The following C5orf24 variants were observed in gnomAD, a reference collection of about 807,000 sequenced individuals.
The protein encoded by C5orf24 is chromosome 5 open reading frame 24, also known as UPF0461 protein C5orf24.
In C5orf24, 4 loss-of-function variants were observed where a neutral mutation model predicts 9.8. The ratio of observed to expected loss-of-function variants is 0.41; its 90% CI spans 0.20 to 0.93. The LOEUF is 0.93. Among genes scored for constraint, C5orf24 ranks in the 40% least tolerant of loss-of-function variants. The pLI, the probability that C5orf24 is intolerant of heterozygous loss-of-function variation, is 0.33. For synonymous variants in C5orf24, 73 were observed against 81.3 expected (o/e 0.90, Z 0.55); for missense variants, 170 against 236.9 (o/e 0.72, Z 1.85).
chr5:134,840,556 CAG>C, the C5orf24 span, among the ~76,000 whole-genome samples: 2 of 151,934 alleles, frequency 1.3e-5, no homozygotes, highest in Admixed American at 6.6e-5. Context: ...ATTTTGGGGA[CAG>C]AGTCTCACTC....
chr5:134,843,770 G>A (rs1175928138), upstream of C5orf24, among the ~76,000 whole-genome samples: 2 of 152,122 alleles, frequency 1.3e-5, no homozygotes, highest in Non-Finnish European at 2.9e-5. Context: ...GGCCAGGCTG[G>A]TCTTGAACTC....
At position 134,857,006 on chromosome 5, in the gene C5orf24, AAGAT is replaced by A; in HGVS notation, c.*1543_*1546del. On this transcript the variant is annotated 3_prime_UTR_variant, in exon 2 of 2. Coordinates refer to ENST00000394976, the MANE Select transcript of C5orf24 (RefSeq NM_001135586.1). The stretch of plus-strand genomic sequence containing the variant: ...CCCCAATGATGTTTGCTTTAGAAGC[AAGAT>A]AGAAAGGAAAAAAAGTATTAGGTAG... The A allele has an allele frequency of 9.9e-7, 1 of 1,014,736 alleles. No homozygotes were observed. Among genetic ancestry groups the A allele is most frequent in the Non-Finnish European group, 1.2e-6 (1 of 839,964 alleles). 62.9% of individuals were successfully genotyped at this position (1,014,736 alleles called of 1,614,324 possible). A position where few individuals can be genotyped will look rare whatever the true frequency, so the allele number is the denominator to read the frequency against.
At chr5:134,833,616 C>G in the C5orf24 span, 1 of 152,164 alleles carries the variant, frequency 6.6e-6, no homozygotes, top group Non-Finnish European at 1.5e-5. Flanking sequence ...CTACGTTTCC[C>G]TTACCAGGTA....
At chr5:134,835,976 C>G in the C5orf24 span, among the ~76,000 whole-genome samples, 1 of 151,952 alleles carries the variant, frequency 6.6e-6, no homozygotes, top group African/African-American at 2.4e-5. Context: ...CATGAGCCAC[C>G]GCACCTGGAT....
chr5:134,837,666 C>CA, the C5orf24 span, among the ~76,000 whole-genome samples: 2,108 of 105,216 alleles, frequency 0.02, 37 homozygotes, highest in African/African-American at 0.054. Flanking sequence ...GAGAACATAG[C>CA]AAAAAAAAAA....
Position 134,858,069 on chromosome 5 carries a change from A to G in C5orf24, c.*2602A>G, listed in dbSNP as rs531216416. 1.6e-4 allele frequency: 27 copies of G among 167,122 alleles called. No individual in the cohort carries two copies. Among genetic ancestry groups the G allele is most frequent in the Non-Finnish European group, 2.8e-4 (19 of 68,128 alleles). The allele number at this position is 167,122 out of a possible 1,614,324, so 10.4% of individuals were successfully genotyped here. ...ACATGTTTATGAAATGGTGAGATCA[A>G]CTAAAGGAGGCATGTTCATAACAGT... On this transcript the variant is annotated 3_prime_UTR_variant, in exon 2 of 2. Transcript: ENST00000394976.
Position 134,852,015 on chromosome 5 carries a change from A to G in C5orf24, c.-3-2883A>G, listed in dbSNP as rs56292225. On this transcript the variant is annotated intron_variant, in intron 1 of 1. Transcript: ENST00000394976. The stretch of plus-strand genomic sequence containing the variant: ...GAGTGCAGTGGCACGATCTCAGCTC[A>G]CTGCAACCTCTGCCTCCCGGGTTCA... Among the ~76,000 whole-genome samples, 342 of 152,342 alleles carry G rather than the reference A, an allele frequency of 2.2e-3. 1 individual carries two copies. Among genetic ancestry groups the G allele is most frequent in the Non-Finnish European group, 4.5e-3 (303 of 68,034 alleles).
rs1419045917 is a variant in C5orf24, at chr5:134,858,858, T to A, written c.*3391T>A. 6.0e-6 allele frequency: 1 copy of A among 166,412 alleles called. No individual in the cohort carries two copies. Among genetic ancestry groups the A allele is most frequent in the Non-Finnish European group, 1.5e-5 (1 of 68,058 alleles). 10.3% of individuals were successfully genotyped at this position (166,412 alleles called of 1,614,324 possible). The stretch of plus-strand genomic sequence containing the variant: ...TAATTTTTAATATTTAGGGACATTT[T>A]AAAAAATCAATGTTTTAATTAGACT... On this transcript the variant is annotated 3_prime_UTR_variant, in exon 2 of 2. Transcript: ENST00000394976.
the C5orf24 span, among the ~76,000 whole-genome samples, chr5:134,835,928 G>T: frequency 1.3e-5 from 2 of 151,930 alleles, no homozygotes; most frequent in East Asian, 3.9e-4. Flanking sequence ...TAGACTCCTG[G>T]CCTCAGGCAA....
At chr5:134,846,806 G>C (rs1307803512) in intron 1 of C5orf24, 1 of 152,202 alleles carries the variant, frequency 6.6e-6, no homozygotes, top group Admixed American at 6.5e-5. Flanking sequence ...AACTTTCCGT[G>C]GTGGGGCAGG....
At position 134,856,690 on chromosome 5, in the gene C5orf24, T is replaced by C. The variant is rs1350678782; in HGVS notation, c.*1223T>C. On this transcript the variant is annotated 3_prime_UTR_variant, in exon 2 of 2. Coordinates refer to ENST00000394976, the MANE Select transcript of C5orf24 (RefSeq NM_001135586.1). Reference sequence around the variant, plus strand: ...AAATAAATAAATAAATAAAACCATTTATTGATGTTGCTCATTTATTTGGAA... The same window carrying C: ...AAATAAATAAATAAATAAAACCATTCATTGATGTTGCTCATTTATTTGGAA... The C allele has an allele frequency of 3.3e-6, 3 of 917,866 alleles. No homozygotes were observed. The highest frequency in any genetic ancestry group is 4.0e-6 in the Non-Finnish European group (3 of 756,480). 56.9% of individuals were successfully genotyped at this position (917,866 alleles called of 1,614,324 possible).
In C5orf24 at chr5:134,854,976, A is replaced by G. The variant is rs144977700; in HGVS notation, c.76A>G (p.Met26Val). 753 of 1,614,172 alleles carry G rather than the reference A, an allele frequency of 4.7e-4. 4 individuals are homozygous for G. In the African/African-American group the frequency reaches 8.1e-3, roughly 17 times the overall value. ...GKPSCLNEDAMRAADQFDIYS... is the reference protein window; with the variant it reads ...GKPSCLNEDAVRAADQFDIYS... ...GCCTTCCTGCCTCAATGAAGATGCC[A>G]TGAGAGCTGCTGATCAGTTTGACAT... is the stretch of plus-strand genomic sequence containing the variant. Residue 26 changes from methionine (M) to valine (V), a missense_variant, in exon 2 of 2, where the codon ATG becomes GTG. This residue lies in a region of C5orf24 where 93 missense variants were observed against 104.5 expected (regional missense o/e 0.89). Coordinates refer to ENST00000394976, the MANE Select transcript of C5orf24 (RefSeq NM_001135586.1).
rs939770930 is a variant in C5orf24, at chr5:134,858,383, A to T, written c.*2916A>T. 4.2e-5 allele frequency: 7 copies of T among 167,000 alleles called. No individual in the cohort carries two copies. In the Admixed American group the frequency reaches 4.6e-4, roughly 11 times the overall value. The allele number at this position is 167,000 out of a possible 1,614,324, so 10.3% of individuals were successfully genotyped here. On this transcript the variant is annotated 3_prime_UTR_variant, in exon 2 of 2. Transcript: ENST00000394976. ...ATATAAACTAAAGACTACATTGTGC[A>T]TATTTTGTTAACACTGTCTCTTGTT... is the stretch of plus-strand genomic sequence containing the variant.
chr5:134,852,022 C>G (rs762717330), intron 1 of C5orf24, among the ~76,000 whole-genome samples: 2 of 152,230 alleles, frequency 1.3e-5, no homozygotes, highest in Non-Finnish European at 2.9e-5. Flanking sequence ...CTCACTGCAA[C>G]CTCTGCCTCC....
In C5orf24 at chr5:134,855,530, G is replaced by A. The variant is rs184484229; in HGVS notation, c.*63G>A. The A allele has an allele frequency of 3.2e-6, 5 of 1,577,244 alleles. No individual in the cohort carries two copies. In the African/African-American group the frequency reaches 6.9e-5, roughly 22 times the overall value. On this transcript the variant is annotated 3_prime_UTR_variant, in exon 2 of 2. Transcript: ENST00000394976. ...TTGTGAATAATCCCAAAGCTTCTTG[G>A]TTTTATTTTGATATACATAATTTTA...
At position 134,855,699 on chromosome 5, in the gene C5orf24, T is replaced by C; in HGVS notation, c.*232T>C. ...GGTTCAAGTGTAACACCTAACTAAA[T>C]CATTTTTCCTTTTCCTTTAGAGTTA... On this transcript the variant is annotated 3_prime_UTR_variant, in exon 2 of 2. Coordinates refer to ENST00000394976, the MANE Select transcript of C5orf24 (RefSeq NM_001135586.1). 1 of 1,404,074 alleles carries C rather than the reference T, an allele frequency of 7.1e-7. No individual in the cohort carries two copies. Among genetic ancestry groups the C allele is most frequent in the East Asian group, 2.8e-5 (1 of 35,950 alleles). The allele number at this position is 1,404,074 out of a possible 1,614,324, so 87.0% of individuals were successfully genotyped here. A position where few individuals can be genotyped will look rare whatever the true frequency, so the allele number is the denominator to read the frequency against.
In C5orf24 at chr5:134,857,196, G is replaced by T; in HGVS notation, c.*1729G>T. ...CTTTAAAGTTACAATGTTTGTATTTGGGATTTTAAATGCCTTTGAGATTAA... is the reference window on the plus strand; with the variant it reads ...CTTTAAAGTTACAATGTTTGTATTTTGGATTTTAAATGCCTTTGAGATTAA... On this transcript the variant is annotated 3_prime_UTR_variant, in exon 2 of 2. Coordinates refer to ENST00000394976, the MANE Select transcript of C5orf24 (RefSeq NM_001135586.1). 7 of 1,275,274 alleles carry T rather than the reference G, an allele frequency of 5.5e-6. No individual in the cohort carries two copies. The highest frequency in any genetic ancestry group is 2.9e-5 in the South Asian group (1 of 34,894). The allele number at this position is 1,275,274 out of a possible 1,614,324, so 79.0% of individuals were successfully genotyped here.
upstream of C5orf24, among the ~76,000 whole-genome samples, chr5:134,841,449 T>C (rs933957396): frequency 1.3e-5 from 2 of 151,970 alleles, no homozygotes; most frequent in African/African-American, 4.8e-5. Context: ...AAGCCAGGTG[T>C]GGTGGCTCGT....
chr5:134,849,580 G>A (rs1756097930), intron 1 of C5orf24, among the ~76,000 whole-genome samples: 1 of 150,538 alleles, frequency 6.6e-6, no homozygotes, highest in Non-Finnish European at 1.5e-5. Flanking sequence ...TGATTTCTTG[G>A]CAGTAGCAGG....
Sources: gnomAD v4.1 joint callset for allele counts (sites outside exome capture counted in the v4.1 genomes callset) on GRCh38, gnomAD v4.1.1 for gene constraint, gnomAD v4.1.1 regional missense constraint, MANE v1.5 for transcripts, NCBI Gene and HGNC (gene_info 2026-07-23, HGNC 2026-07-21) for gene names.